Variants in SPEF2 observed in about 807,000 individuals in gnomAD.
SPEF2 encodes sperm flagella and cilia-associated protein 2.
A neutral mutation model predicts 224.6 loss-of-function variants in SPEF2; 187 were observed. The observed-to-expected ratio is 0.83, with a 90% CI of 0.74 to 0.94. The LOEUF is 0.94. SPEF2 is among the 40% of genes least tolerant of loss of function. The pLI is 0.00. For synonymous variants in SPEF2, 715 were observed against 707.3 expected (o/e 1.01, Z -0.17); for missense variants, 2,170 against 2,135.6 (o/e 1.02, Z -0.32).
chr5:35,686,833 G>A (rs1400908707), intron 10 of SPEF2, among the ~76,000 whole-genome samples: 3 of 151,822 alleles, frequency 2.0e-5, no homozygotes. Flanking sequence ...CATATTTTAT[G>A]CACTAAAATC....
intron 26 of SPEF2, among the ~76,000 whole-genome samples, chr5:35,765,666 C>A (rs1326469138): frequency 1.3e-5 from 2 of 152,164 alleles, no homozygotes; most frequent in African/African-American, 2.4e-5. Flanking sequence ...CCTGAATGAG[C>A]AAATCTTCCC....
At chr5:35,809,462 G>T in intron 36 of SPEF2, among the ~76,000 whole-genome samples, 1 of 152,120 alleles carries the variant, frequency 6.6e-6, no homozygotes, top group Admixed American at 6.5e-5. Flanking sequence ...CGATAGCCAG[G>T]GTTTGGGAAA....
intron 32 of SPEF2, among the ~76,000 whole-genome samples, chr5:35,795,123 A>C (rs1756481113): frequency 6.6e-6 from 1 of 152,134 alleles, no homozygotes; most frequent in Non-Finnish European, 1.5e-5. Context: ...TGCATTGCGG[A>C]AATGAAGTTC....
chr5:35,694,246 G>A, intron 12 of SPEF2, 42 bp from the exon 13 acceptor site: 2 of 1,467,250 alleles, frequency 1.4e-6, no homozygotes, highest in Non-Finnish European at 1.9e-6. Flanking sequence ...TTAAAATATA[G>A]CAATGGTAAA....
At chr5:35,766,592 C>T (rs1455958897) in intron 26 of SPEF2, among the ~76,000 whole-genome samples, 1 of 151,870 alleles carries the variant, frequency 6.6e-6, no homozygotes, top group African/African-American at 2.4e-5. Flanking sequence ...ACCAGGCTTT[C>T]CAATGACTGA....
intron 24 of SPEF2, among the ~76,000 whole-genome samples, chr5:35,754,816 G>C (rs1304367904): frequency 6.6e-6 from 1 of 152,110 alleles, no homozygotes; most frequent in East Asian, 1.9e-4. Flanking sequence ...AATGGAAAAG[G>C]GTACATTTCT....
Position 35,788,864 on chromosome 5 carries a change from C to A in SPEF2, c.4448-3476C>A, listed in dbSNP as rs1218487366. The A allele has an allele frequency of 5.7e-6, 4 of 702,810 alleles. No homozygotes were observed. The East Asian group carries it at 8.0e-5, about 14-fold the overall frequency. The allele number at this position is 702,810 out of a possible 1,614,324, so 43.5% of individuals were successfully genotyped here. A position where few individuals can be genotyped will look rare whatever the true frequency, so the allele number is the denominator to read the frequency against. On this transcript the variant is annotated intron_variant, in intron 30 of 36. Transcript: ENST00000356031. ...CCTTCACAGCATTTATCACTTTTAT[C>A]ACAATTCTCCTCTTCATAAGAGTGC...
intron 36 of SPEF2, among the ~76,000 whole-genome samples, chr5:35,812,517 G>C (rs1451028038): frequency 1.3e-5 from 2 of 152,020 alleles, no homozygotes; most frequent in Non-Finnish European, 2.9e-5. Context: ...ATTGGAACTG[G>C]GTTGTTGGTG....
intron 15 of SPEF2, chr5:35,698,040 G>A (rs998436380): frequency 3.7e-6 from 1 of 270,346 alleles, no homozygotes; most frequent in African/African-American, 2.2e-5. Context: ...TATTACCTGT[G>A]GGGAATTCAA....
chr5:35,720,140 T>C (rs10077176), intron 20 of SPEF2, among the ~76,000 whole-genome samples: 2 of 152,138 alleles, frequency 1.3e-5, no homozygotes, highest in African/African-American at 4.8e-5. Context: ...CAACTATATT[T>C]CCATAAGAAT....
rs111520258 is a variant in SPEF2 at position 35,644,309 on chromosome 5, C to G, written c.415-46C>G. 1,163 of 1,389,270 alleles carry G rather than the reference C, an allele frequency of 8.4e-4. 8 individuals carry two copies. In the African/African-American group the frequency reaches 0.015, roughly 18 times the overall value. 86.1% of individuals were successfully genotyped at this position (1,389,270 alleles called of 1,614,324 possible). On this transcript the variant is annotated intron_variant, in intron 3 of 36. Transcript: ENST00000356031. ...TATTTGTGCTTATAATGAAAATGTACTCTTTATTCTCTAATAAAATCTTTT... is the reference window on the plus strand; with the variant it reads ...TATTTGTGCTTATAATGAAAATGTAGTCTTTATTCTCTAATAAAATCTTTT...
At chr5:35,720,926 T>C (rs1743537513) in intron 20 of SPEF2, among the ~76,000 whole-genome samples, 1 of 149,782 alleles carries the variant, frequency 6.7e-6, no homozygotes, top group Non-Finnish European at 1.5e-5. Context: ...TTAAAGCACT[T>C]GATATTATTG....
chr5:35,618,973 C>T (rs1047293042), intron 1 of SPEF2, among the ~76,000 whole-genome samples: 4 of 152,026 alleles, frequency 2.6e-5, no homozygotes, highest in African/African-American at 4.8e-5. Context: ...ACCAGAGAGG[C>T]AGTGGTGCCA....
chr5:35,764,531 T>A, intron 26 of SPEF2: 1 of 455,546 alleles, frequency 2.2e-6, no homozygotes, highest in Non-Finnish European at 4.4e-6. Flanking sequence ...TGCTATTCCC[T>A]CATCTGCCAG....
At chr5:35,620,962 CAA>C (rs1743421583) in intron 1 of SPEF2, among the ~76,000 whole-genome samples, 1 of 152,082 alleles carries the variant, frequency 6.6e-6, no homozygotes, top group African/African-American at 2.4e-5. Context: ...AGGATATAAA[CAA>C]GTGTGTTATA....
At chr5:35,676,801 T>C (rs541278054) in intron 10 of SPEF2, among the ~76,000 whole-genome samples, 1 of 152,260 alleles carries the variant, frequency 6.6e-6, no homozygotes, top group South Asian at 2.1e-4. Context: ...GGGTTTGTGA[T>C]CTTGAAAACT....
chr5:35,812,506 T>G (rs1381759457), intron 36 of SPEF2, among the ~76,000 whole-genome samples: 4 of 152,202 alleles, frequency 2.6e-5, no homozygotes, highest in African/African-American at 9.6e-5. Context: ...TCAGTGAGGA[T>G]ATTGGAACTG....
intron 32 of SPEF2, 93 bp downstream of exon 32, chr5:35,793,434 G>A (rs1376345200): frequency 7.6e-7 from 1 of 1,308,532 alleles, no homozygotes; most frequent in South Asian, 1.7e-5. Context: ...CAGGTCTCAG[G>A]CCAGTGCATT....
At position 35,692,578 on chromosome 5, in the gene SPEF2, A is replaced by G. The variant is rs990085797; in HGVS notation, c.1753A>G (p.Ile585Val). 5.0e-6 allele frequency: 8 copies of G among 1,608,674 alleles called. No individual in the cohort carries two copies. Among genetic ancestry groups the G allele is most frequent in the African/African-American group, 2.7e-5 (2 of 74,420 alleles). ...ILRSLQKDFP[I>V]QILSIDTLVQ... ...TATCTTTTGTACTTTAGACTTTCCTATACAGATACTTTCTATTGACACTCT... is the reference window on the plus strand; with the variant it reads ...TATCTTTTGTACTTTAGACTTTCCTGTACAGATACTTTCTATTGACACTCT... The change falls in exon 12 of 37, where the codon ATA (isoleucine) becomes GTA (valine). Residue 585 changes from isoleucine to valine, a missense_variant. Physicochemically the swap from Ile to Val is conservative, Grantham distance 29. Coordinates refer to ENST00000356031, the MANE Select transcript of SPEF2 (RefSeq NM_024867.4).
Sources: allele counts gnomAD v4.1 joint callset (sites outside exome capture counted in the v4.1 genomes callset), GRCh38; gene constraint gnomAD v4.1.1; transcripts MANE v1.5; gene names NCBI Gene and HGNC (gene_info 2026-07-23, HGNC 2026-07-21).